The following DMBT1 variants were observed in gnomAD, a reference collection of about 807,000 sequenced individuals.
DMBT1 encodes the protein scavenger receptor cysteine-rich domain-containing protein DMBT1.
DMBT1 carries 198 observed loss-of-function variants against 252.9 expected under a neutral mutation model. That is an observed-to-expected ratio of 0.78 (90% confidence interval 0.70 to 0.88). DMBT1 has a LOEUF of 0.88. Ranked by LOEUF, DMBT1 falls within the 40% of genes least tolerant of loss-of-function variation. The probability of loss-of-function intolerance (pLI) is 0.00; values close to 1 mark genes in which losing one functional copy is unlikely to be tolerated. For missense variants in DMBT1, 2,432 were observed against 2,404.7 expected (o/e 1.01, Z -0.24); for synonymous variants, 990 against 942.7 (o/e 1.05, Z -0.92).
In DMBT1 at chr10:122,629,992, A is replaced by G; in HGVS notation, c.5821A>G (p.Lys1941Glu). 3 of 1,613,950 alleles carry G rather than the reference A, an allele frequency of 1.9e-6. No homozygotes were observed. The highest frequency in any genetic ancestry group is 1.6e-4 in the Middle Eastern group (1 of 6,062). Residue 1941 changes from lysine (K) to glutamate (E), a missense_variant and splice_region_variant, in exon 47 of 56, where the codon AAA becomes GAA. Coordinates refer to ENST00000338354, the MANE Select transcript of DMBT1 (RefSeq NM_001377530.1). The part of the protein sequence containing the change: ...YRINLGFSNL[K>E]LEAHHNCSFD... ...CATAAACCTGGGCTTCAGTAATCTG[A>G]AGTAAGTAATGCCTGGTCATCTGGT... is the stretch of plus-strand genomic sequence containing the variant.
chr10:122,598,182 T>C lies in DMBT1; in HGVS notation c.2956+170T>C, dbSNP rs200918519. ...GGGGACCCAGCTCTGGGTCTGATGT[T>C]GGAGGCTGGAGGGTGCTGGTGACTT... On this transcript the variant is annotated intron_variant, in intron 25 of 55. Coordinates refer to ENST00000338354, the MANE Select transcript of DMBT1 (RefSeq NM_001377530.1). Among the ~76,000 whole-genome samples the C allele has an allele frequency of 1.5e-3, 231 of 152,086 alleles. 2 individuals are homozygous for C. Among genetic ancestry groups the C allele is most frequent in the African/African-American group, 5.2e-3 (215 of 41,428 alleles).
rs775567941 is a variant in DMBT1, at chr10:122,643,447, C to T, written c.*49C>T. 9.6e-6 allele frequency: 15 copies of T among 1,558,954 alleles called. No homozygotes were observed. Among genetic ancestry groups the T allele is most frequent in the African/African-American group, 2.7e-5 (2 of 73,340 alleles). ...TCCACCGGGGCGCAGACCCCTGACT[C>T]GGGGACTTGGGATGTTCCTCTTGGT... On this transcript the variant is annotated 3_prime_UTR_variant, in exon 56 of 56. Coordinates refer to ENST00000338354, the MANE Select transcript of DMBT1 (RefSeq NM_001377530.1).
At chr10:122,580,560 G>T (rs961085260) in intron 10 of DMBT1, among the ~76,000 whole-genome samples, 2 of 152,188 alleles carry the variant, frequency 1.3e-5, no homozygotes, top group Admixed American at 6.5e-5. Context: ...GGCTGGAGTG[G>T]CTTCCTCAGC....
chr10:122,587,855 G>A (rs968398439), intron 16 of DMBT1, among the ~76,000 whole-genome samples: 1 of 148,556 alleles, frequency 6.7e-6, no homozygotes, highest in Non-Finnish European at 1.5e-5. Flanking sequence ...ATTAGTCCAT[G>A]TGTCAGTGGA....
chr10:122,624,647 G>T (rs2098101990), intron 44 of DMBT1, among the ~76,000 whole-genome samples: 1 of 152,208 alleles, frequency 6.6e-6, no homozygotes, highest in Non-Finnish European at 1.5e-5. Context: ...CACCAATGAC[G>T]CCAATGTGGT....
rs1255606584 is a variant in DMBT1 at position 122,591,521 on chromosome 10, A to G, written c.2176+4A>G. 1.9e-6 allele frequency: 3 copies of G among 1,584,804 alleles called. No individual in the cohort carries two copies. Among genetic ancestry groups the G allele is most frequent in the African/African-American group, 2.7e-5 (2 of 74,538 alleles). On this transcript the variant is annotated splice_donor_region_variant and intron_variant, in intron 19 of 55. Coordinates refer to ENST00000338354, the MANE Select transcript of DMBT1 (RefSeq NM_001377530.1). ...ACGTTACCTCCATCGACAGTAGGTAAATAATCCTCTCACCCCTCCCTAGGG... is the reference window on the plus strand; with the variant it reads ...ACGTTACCTCCATCGACAGTAGGTAGATAATCCTCTCACCCCTCCCTAGGG...
rs1177134486 is a variant in DMBT1, at chr10:122,621,187, G to A, written c.5415G>A (p.Val1805=). 2 of 1,613,892 alleles carry A rather than the reference G, an allele frequency of 1.2e-6. No individual in the cohort carries two copies. The highest frequency in any genetic ancestry group is 1.7e-5 in the Admixed American group (1 of 60,024). The change falls in exon 44 of 56, where the codon GTG becomes GTA. Residue 1805 remains valine, a synonymous_variant. Transcript: ENST00000338354. The part of the protein sequence containing the change: ...DDSWDTNDAN[V]VCRQLGCGWA... ...GCTGGGACACCAATGATGCCAATGT[G>A]GTCTGCAGGCAGCTGGGCTGTGGCT...
intron 52 of DMBT1, among the ~76,000 whole-genome samples, chr10:122,634,363 T>TCTTC (rs758006778): frequency 9.5e-6 from 1 of 104,906 alleles, no homozygotes; most frequent in Non-Finnish European, 2.0e-5. Flanking sequence ...TTTCTTTCTT[T>TCTTC]CTTTCTTTCT....
rs76516440 is a variant in DMBT1 at position 122,573,267 on chromosome 10, T to A, written c.236-448T>A. On this transcript the variant is annotated intron_variant, in intron 5 of 55. Coordinates refer to ENST00000338354, the MANE Select transcript of DMBT1 (RefSeq NM_001377530.1). ...CTCCATGCAGCCACTTTGTGAGTGGTTTAGTTTTGCATTCTGGAAAGGTTG... is the reference window on the plus strand; with the variant it reads ...CTCCATGCAGCCACTTTGTGAGTGGATTAGTTTTGCATTCTGGAAAGGTTG... Among the ~76,000 whole-genome samples the A allele has an allele frequency of 5.4e-3, 815 of 151,862 alleles. 9 individuals are homozygous for A. The highest frequency in any genetic ancestry group is 0.017 in the African/African-American group (698 of 41,394).
chr10:122,570,013 G>T, intron 2 of DMBT1, 149 bp from the exon 3 acceptor site: 2 of 766,340 alleles, frequency 2.6e-6, no homozygotes, highest in South Asian at 2.8e-5. Flanking sequence ...TTTCAGTGAT[G>T]GAGCGATTGG....
Position 122,592,127 on chromosome 10 carries a change from G to A in DMBT1, c.2177-145G>A, listed in dbSNP as rs2133587699. 3.7e-6 allele frequency: 5 copies of A among 1,366,968 alleles called. 2 individuals carry two copies. In the East Asian group the frequency reaches 1.2e-4, roughly 33 times the overall value. 84.7% of individuals were successfully genotyped at this position (1,366,968 alleles called of 1,614,324 possible). A position where few individuals can be genotyped will look rare whatever the true frequency, so the allele number is the denominator to read the frequency against. On this transcript the variant is annotated intron_variant, in intron 19 of 55. Coordinates refer to ENST00000338354, the MANE Select transcript of DMBT1 (RefSeq NM_001377530.1). ...TCACCTCTCCTTCCAGTATGATGAA[G>A]CTGAACCTCTGGTTGCAGTCGTATT...
chr10:122,577,171 C>T (rs74658246), intron 7 of DMBT1, among the ~76,000 whole-genome samples: 2 of 152,162 alleles, frequency 1.3e-5, no homozygotes, highest in African/African-American at 2.4e-5. Context: ...ATAACTCATA[C>T]CCCCATTTTC....
chr10:122,642,235 G>A (rs1271833724), intron 55 of DMBT1, among the ~76,000 whole-genome samples: 1 of 152,102 alleles, frequency 6.6e-6, no homozygotes, highest in Non-Finnish European at 1.5e-5. Context: ...GGTTGCCTAT[G>A]GAGGAAGGAA....
intron 2 of DMBT1, among the ~76,000 whole-genome samples, chr10:122,569,654 C>A (rs1056404378): frequency 1.3e-5 from 2 of 152,234 alleles, no homozygotes; most frequent in Non-Finnish European, 2.9e-5. Context: ...GATAATCCAA[C>A]CAGCAAGTGG....
intron 46 of DMBT1, among the ~76,000 whole-genome samples, chr10:122,626,430 T>G (rs1428083403): frequency 1.3e-5 from 2 of 152,254 alleles, no homozygotes; most frequent in African/African-American, 2.4e-5. Context: ...GCTAGATATT[T>G]GTTTGTATTT....
At chr10:122,590,228 G>A (rs1200473896) in intron 17 of DMBT1, among the ~76,000 whole-genome samples, 1 of 148,978 alleles carries the variant, frequency 6.7e-6, no homozygotes, top group African/African-American at 2.4e-5. Context: ...TCCCTCCAGA[G>A]CACTGCAGCA....
At chr10:122,561,955 C>T (rs965989204) in intron 1 of DMBT1, among the ~76,000 whole-genome samples, 16 of 149,282 alleles carry the variant, frequency 1.1e-4, no homozygotes, top group African/African-American at 3.4e-4. Flanking sequence ...ATCACCTTTC[C>T]TCTCTCTCTC....
rs1487890682 is a variant in DMBT1 at position 122,585,134 on chromosome 10, C to T, written c.1421-137C>T. ...GAGCTTGCTGAGCTGCAGACTTGGG[C>T]AGACACATGGGGAGCAAAGTGGCAG... On this transcript the variant is annotated intron_variant, in intron 14 of 55. Transcript: ENST00000338354. The T allele has an allele frequency of 5.1e-6, 6 of 1,178,636 alleles. 1 individual carries two copies. Among genetic ancestry groups the T allele is most frequent in the Middle Eastern group, 3.8e-4 (2 of 5,196 alleles). 73.0% of individuals were successfully genotyped at this position (1,178,636 alleles called of 1,614,324 possible). A position where few individuals can be genotyped will look rare whatever the true frequency, so the allele number is the denominator to read the frequency against.
At chr10:122,633,147 T>G in intron 51 of DMBT1, 44 bp from the exon 52 acceptor site, 1 of 1,608,036 alleles carries the variant, frequency 6.2e-7, no homozygotes, top group Non-Finnish European at 8.5e-7. Flanking sequence ...GACTGTGCAG[T>G]GTGCTCTGGG....
Sources: gnomAD v4.1 joint callset for allele counts (sites outside exome capture counted in the v4.1 genomes callset) on GRCh38, gnomAD v4.1.1 for gene constraint, MANE v1.5 for transcripts, NCBI Gene and HGNC (gene_info 2026-07-23, HGNC 2026-07-21) for gene names.